The following AURKB variants were observed in gnomAD, a reference collection of about 807,000 sequenced individuals.
AURKB encodes the protein aurora kinase B-Sv1.
AURKB carries 28 observed loss-of-function variants against 36.5 expected under a neutral mutation model. The ratio of observed to expected loss-of-function variants is 0.77; its 90% CI spans 0.57 to 1.05. AURKB has a LOEUF of 1.05. AURKB is among the 50% of genes least tolerant of loss of function. The pLI is 0.00. For synonymous variants in AURKB, 175 were observed against 172.9 expected (o/e 1.01, Z -0.09); for missense variants, 383 against 447.4 (o/e 0.86, Z 1.30).
chr17:8,206,668 C>T lies in AURKB; in HGVS notation c.538-29G>A, dbSNP rs770835898. Reference sequence around the variant, plus strand: ...GGAGGGGCAACGACAGGCAATCAGACAAGGATGGACCTCCAGCTACAAGCA... The same window carrying T: ...GGAGGGGCAACGACAGGCAATCAGATAAGGATGGACCTCCAGCTACAAGCA... On this transcript the variant is annotated intron_variant, in intron 6 of 8. Coordinates refer to ENST00000585124, the MANE Select transcript of AURKB (RefSeq NM_004217.4). The surrounding 1 kb of genome is among the most constrained non-coding windows in gnomAD (Gnocchi z 4.2). The T allele has an allele frequency of 6.2e-7, 1 of 1,614,042 alleles. No individual in the cohort carries two copies. The highest frequency in any genetic ancestry group is 8.5e-7 in the Non-Finnish European group (1 of 1,179,992).
intron 8 of AURKB, 46 bp downstream of exon 8, chr17:8,205,170 G>A (rs770261412): frequency 1.3e-6 from 2 of 1,575,642 alleles, no homozygotes; most frequent in Admixed American, 1.8e-5. Flanking sequence ...CAGCCCCCCA[G>A]CTCCTGGCTT....
Position 8,204,912 on chromosome 17 carries a change from G to C in AURKB, c.994C>G (p.Arg332Gly), listed in dbSNP as rs746570349. Residue 332 changes from arginine (R) to glycine (G), a missense_variant, in exon 9 of 9, where the codon CGG (arginine) becomes GGG (glycine). Physicochemically the swap from Arg to Gly is moderately radical, Grantham distance 125 (BLOSUM62 -2). Transcript: ENST00000585124. ...AGGGCAGAGGGAGGCAGCACCCTCC[G>C]AGAGTTGGCCCGGACCCAAGGGTGG... ...SAHPWVRANS[R>G]RVLPPSALQS... 1 of 1,607,058 alleles carries C rather than the reference G, an allele frequency of 6.2e-7. No individual in the cohort carries two copies. The highest frequency in any genetic ancestry group is 2.2e-5 in the East Asian group (1 of 44,848).
chr17:8,204,758 A>G lies in AURKB; in HGVS notation c.*113T>C, dbSNP rs1984975729. ...ATGAGTACAAAAAGCTTCAGCCTTT[A>G]TTAAACAAAGGAGGAGGTAGAAAAC... On this transcript the variant is annotated 3_prime_UTR_variant, in exon 9 of 9. Coordinates refer to ENST00000585124, the MANE Select transcript of AURKB (RefSeq NM_004217.4). The G allele has an allele frequency of 1.4e-6, 2 of 1,413,902 alleles. No individual in the cohort carries two copies. Among genetic ancestry groups the G allele is most frequent in the African/African-American group, 2.9e-5 (2 of 69,064 alleles). The allele number at this position is 1,413,902 out of a possible 1,614,324, so 87.6% of individuals were successfully genotyped here. A position where few individuals can be genotyped will look rare whatever the true frequency, so the allele number is the denominator to read the frequency against.
intron 3 of AURKB, 48 bp from the exon 4 acceptor site, chr17:8,207,673 A>G (rs1985522877): frequency 6.2e-7 from 1 of 1,613,042 alleles, no homozygotes; most frequent in African/African-American, 1.3e-5. Context: ...TGACCTTCTC[A>G]TCCCTAAACC....
Position 8,205,433 on chromosome 17 carries a change from G to A in AURKB, c.687-43C>T, listed in dbSNP as rs2151467220. 1.9e-6 allele frequency: 3 copies of A among 1,597,506 alleles called. No individual in the cohort carries two copies. The East Asian group carries it at 6.7e-5, about 36-fold the overall frequency. ...CGTGGGCAGGGGTCCTAGTGACATAGGAACTCTCCTTTCCCTGCTGCCTGA... is the reference window on the plus strand; with the variant it reads ...CGTGGGCAGGGGTCCTAGTGACATAAGAACTCTCCTTTCCCTGCTGCCTGA... On this transcript the variant is annotated intron_variant, in intron 7 of 8. Coordinates refer to ENST00000585124, the MANE Select transcript of AURKB (RefSeq NM_004217.4).
Position 8,206,293 on chromosome 17 carries a change from G to C in AURKB, c.686+198C>G, listed in dbSNP as rs1181944958. Among the ~76,000 whole-genome samples the C allele has an allele frequency of 1.3e-5, 2 of 151,930 alleles. No individual in the cohort carries two copies. Among genetic ancestry groups the C allele is most frequent in the Non-Finnish European group, 2.9e-5 (2 of 68,004 alleles). ...TTACTGGCGTCCGCCACCATGGCCG[G>C]CTAATTTTTGTATATTTAGTAGAGA... On this transcript the variant is annotated intron_variant, in intron 7 of 8. Coordinates refer to ENST00000585124, the MANE Select transcript of AURKB (RefSeq NM_004217.4). This position sits in a 1 kb window ranked among gnomAD's most constrained non-coding sequence, Gnocchi z 4.2.
chr17:8,206,647 G>A lies in AURKB; in HGVS notation c.538-8C>T, dbSNP rs144397670. The A allele has an allele frequency of 6.2e-4, 994 of 1,614,108 alleles. 13 individuals are homozygous for A. In the East Asian group the frequency reaches 0.019, roughly 31 times the overall value. ...TGCCAACTCCTCCATGATCTGGGAG[G>A]GGCAACGACAGGCAATCAGACAAGG... On this transcript the variant is annotated splice_region_variant and splice_polypyrimidine_tract_variant and intron_variant, in intron 6 of 8. Transcript: ENST00000585124. The surrounding 1 kb of genome is among the most constrained non-coding windows in gnomAD (Gnocchi z 4.2).
At chr17:8,207,930 A>G in intron 2 of AURKB, 90 bp from the exon 3 acceptor site, 1 of 1,048,740 alleles carries the variant, frequency 9.5e-7, no homozygotes, top group Non-Finnish European at 1.4e-6. Context: ...CCCCTTGCTA[A>G]AGAGCCACCC....
At chr17:8,205,896 C>T (rs1985200060) in intron 7 of AURKB, among the ~76,000 whole-genome samples, 1 of 151,862 alleles carries the variant, frequency 6.6e-6, no homozygotes, top group East Asian at 1.9e-4. Context: ...TACAAGTGTG[C>T]ACCACCATGT....
chr17:8,207,492 G>C (rs926668477), intron 4 of AURKB, 79 bp downstream of exon 4: 4 of 1,575,310 alleles, frequency 2.5e-6, no homozygotes, highest in Admixed American at 1.7e-5. Context: ...CTCCTCCCGT[G>C]CTTAGGTTTT....
rs147097910 is a variant in AURKB, at chr17:8,206,818, C to T, written c.469G>A (p.Ala157Thr). The T allele has an allele frequency of 1.1e-4, 182 of 1,614,080 alleles. No homozygotes were observed. Among genetic ancestry groups the T allele is most frequent in the Non-Finnish European group, 1.4e-4 (169 of 1,180,042 alleles). Residue 157 changes from alanine (A) to threonine (T), a missense_variant, in exon 6 of 9, where the codon GCC becomes ACC. Around this residue, in one of 3 missense-constraint regions of AURKB, gnomAD observed 219 missense variants for 252.6 expected, o/e 0.87. Transcript: ENST00000585124. The surrounding 1 kb of genome is among the most constrained non-coding windows in gnomAD (Gnocchi z 4.2). ...TCCTTGTAGAGCTCCCCGCGGGGGG[C>T]ATACTCTAGAATCAAGTAGATCCTC... ...RRRIYLILEYAPRGELYKELQ... is the reference protein window; with the variant it reads ...RRRIYLILEYTPRGELYKELQ...
Position 8,204,903 on chromosome 17 carries a change from G to A in AURKB, c.1003C>T (p.Leu335=), listed in dbSNP as rs1364371938. The change falls in exon 9 of 9, where the codon CTG becomes TTG. Residue 335 remains leucine (L), a synonymous_variant. Transcript: ENST00000585124. ...ACAGATTGAAGGGCAGAGGGAGGCA[G>A]CACCCTCCGAGAGTTGGCCCGGACC... ...PWVRANSRRV[L]PPSALQSVA 3 of 1,605,552 alleles carry A rather than the reference G, an allele frequency of 1.9e-6. No homozygotes were observed. The highest frequency in any genetic ancestry group is 2.7e-5 in the African/African-American group (2 of 73,924).
chr17:8,208,632 A>ATAAAT (rs1555529387), intron 2 of AURKB, among the ~76,000 whole-genome samples: 6 of 137,922 alleles, frequency 4.4e-5, no homozygotes, highest in Non-Finnish European at 8.1e-5. Flanking sequence ...AAATAAATAA[A>ATAAAT]AAATAAATAA....
rs1985212028 is a variant in AURKB at position 8,206,006 on chromosome 17, G to A, written c.686+485C>T. Among the ~76,000 whole-genome samples the A allele has an allele frequency of 6.6e-6, 1 of 152,006 alleles. No individual in the cohort carries two copies. ...ACTCCTGGCCTCAAGTGATCCACCC[G>A]CCTTGGCCTCCCAAAGTGCTGGGAC... On this transcript the variant is annotated intron_variant, in intron 7 of 8. Coordinates refer to ENST00000585124, the MANE Select transcript of AURKB (RefSeq NM_004217.4). The surrounding 1 kb of genome is among the most constrained non-coding windows in gnomAD (Gnocchi z 4.2).
Position 8,210,186 on chromosome 17 carries a change from G to A in AURKB, c.39C>T (p.Gly13=). 3 of 1,612,322 alleles carry A rather than the reference G, an allele frequency of 1.9e-6. No homozygotes were observed. In the South Asian group the frequency reaches 3.3e-5, roughly 18 times the overall value. Residue 13 remains glycine (G), a synonymous_variant, in exon 2 of 9, where the codon GGC becomes GGT. Coordinates refer to ENST00000585124, the MANE Select transcript of AURKB (RefSeq NM_004217.4). ...GAGGGAAGGGCCTTACCGTCTGTCGGCCGTAGGGCCAGGGGTAGGAGTTCT... is the reference window on the plus strand; with the variant it reads ...GAGGGAAGGGCCTTACCGTCTGTCGACCGTAGGGCCAGGGGTAGGAGTTCT... The part of the protein sequence containing the change: ...QKENSYPWPY[G]RQTAPSGLST...
rs777418552 is a variant in AURKB, at chr17:8,207,286, C to A, written c.288G>T (p.Glu96Asp). The A allele has an allele frequency of 1.2e-6, 2 of 1,614,030 alleles. No individual in the cohort carries two copies. The highest frequency in any genetic ancestry group is 1.3e-5 in the African/African-American group (1 of 74,922). The change falls in exon 5 of 9, where the codon GAG (glutamate) becomes GAT (aspartate). Residue 96 changes from glutamate (E) to aspartate (D), a missense_variant. Physicochemically the swap from Glu to Asp is conservative, Grantham distance 45 (BLOSUM62 2). This residue lies in a region of AURKB where 59 missense variants were observed against 99.0 expected (regional missense o/e 0.60). Transcript: ENST00000585124. Reference protein sequence around the residue: ...GKFGNVYLAREKKSHFIVALK... With the variant: ...GKFGNVYLARDKKSHFIVALK... ...GCGCCACGATGAAATGGCTTTTCTT[C>A]TCCCGAGCCAAGTACACGTTTCCAA...
At position 8,210,515 on chromosome 17, in the gene AURKB, A is replaced by G; in HGVS notation, c.-26+15T>C. ...CCACTCCCGGCGCAAGGCCTGCGAC[A>G]GGAGGCCAGCTCACCTGGGGTCCAA... On this transcript the variant is annotated intron_variant, in intron 1 of 8. Transcript: ENST00000585124. 4.2e-6 allele frequency: 2 copies of G among 476,862 alleles called. No homozygotes were observed. Among genetic ancestry groups the G allele is most frequent in the Non-Finnish European group, 7.4e-6 (2 of 269,596 alleles). The allele number at this position is 476,862 out of a possible 1,614,324, so 29.5% of individuals were successfully genotyped here.
rs762312141 is a variant in AURKB at position 8,204,934 on chromosome 17, G to A, written c.972C>T (p.His324=). The A allele has an allele frequency of 2.5e-6, 4 of 1,608,650 alleles. No individual in the cohort carries two copies. In the South Asian group the frequency reaches 3.3e-5, roughly 13 times the overall value. Residue 324 remains histidine, a synonymous_variant, in exon 9 of 9, where the codon CAC becomes CAT. Transcript: ENST00000585124. ...ERLPLAQVSA[H]PWVRANSRRV... ...TCCGAGAGTTGGCCCGGACCCAAGG[G>A]TGGGCTGAGACCTGGGCCAGGGGCA... is the stretch of plus-strand genomic sequence containing the variant.
chr17:8,207,099 TG>T, intron 5 of AURKB, 76 bp downstream of exon 5: 1 of 1,523,804 alleles, frequency 6.6e-7, no homozygotes, highest in Non-Finnish European at 8.9e-7. Flanking sequence ...GAAAGCAATC[TG>T]GATGAAGTGG....
Sources: allele counts gnomAD v4.1 joint callset (sites outside exome capture counted in the v4.1 genomes callset), GRCh38; gene constraint gnomAD v4.1.1; regional missense constraint gnomAD v4.1.1; non-coding constraint Gnocchi (gnomAD v3.1); transcripts MANE v1.5; gene names NCBI Gene and HGNC (gene_info 2026-07-23, HGNC 2026-07-21).